WDR70: variants seen among roughly 807,000 people sequenced by gnomAD.
The protein encoded by WDR70 is WD repeat-containing protein 70.
Under a neutral mutation model 88.6 loss-of-function variants are expected in WDR70, and 53 were observed. That is an observed-to-expected ratio of 0.60 (90% CI 0.48 to 0.75). The LOEUF (loss-of-function observed/expected upper bound fraction) is 0.75, where lower values mean the gene tolerates loss of function less well. Ranked by LOEUF, WDR70 falls within the 30% of genes least tolerant of loss-of-function variation. The pLI is 0.00. For synonymous variants in WDR70, 280 were observed against 270.0 expected (o/e 1.04, Z -0.36); for missense variants, 610 against 823.2 (o/e 0.74, Z 3.17).
intron 17 of WDR70, 63 bp downstream of exon 17, chr5:37,727,108 CA>C: frequency 1.3e-6 from 2 of 1,534,118 alleles, no homozygotes; most frequent in South Asian, 1.3e-5. Flanking sequence ...GAGAACATAA[CA>C]ATGTTGTTTT....
At chr5:37,540,228 G>A (rs546769917) in intron 9 of WDR70, among the ~76,000 whole-genome samples, 2 of 152,160 alleles carry the variant, frequency 1.3e-5, no homozygotes, top group Admixed American at 1.3e-4. Context: ...GAACAAATAC[G>A]TTTGCTGAAT....
rs142833412 is a variant in WDR70, at chr5:37,619,043, T to C, written c.1092+13805T>C. Among the ~76,000 whole-genome samples the C allele has an allele frequency of 3.1e-3, 479 of 152,308 alleles. 1 individual carries two copies. The highest frequency in any genetic ancestry group is 0.011 in the African/African-American group (450 of 41,566). On this transcript the variant is annotated intron_variant, in intron 10 of 17. Coordinates refer to ENST00000265107, the MANE Select transcript of WDR70 (RefSeq NM_018034.4). The stretch of plus-strand genomic sequence containing the variant: ...TTTTTAAAAAAGAGTCAGGCAATGA[T>C]ATAAAATAGATAATTTAATTTGGAA...
At chr5:37,420,741 GTC>G (rs1749921663) in intron 5 of WDR70, among the ~76,000 whole-genome samples, 1 of 151,920 alleles carries the variant, frequency 6.6e-6, no homozygotes, top group African/African-American at 2.4e-5. Context: ...GTGAAACCCC[GTC>G]TCTACTAAAA....
intron 17 of WDR70, among the ~76,000 whole-genome samples, chr5:37,729,784 T>G (rs1386094674): frequency 6.6e-6 from 1 of 152,174 alleles, no homozygotes; most frequent in Non-Finnish European, 1.5e-5. Flanking sequence ...TTGGAGTGTG[T>G]GAAATATTAC....
chr5:37,724,784 T>C, intron 15 of WDR70, 150 bp from the exon 16 acceptor site: 1 of 773,660 alleles, frequency 1.3e-6, no homozygotes, highest in Non-Finnish European at 2.1e-6. Context: ...CAAAATTGGC[T>C]AATTGGTTAC....
At chr5:37,520,746 T>G (rs1245732729) in intron 9 of WDR70, among the ~76,000 whole-genome samples, 1 of 152,318 alleles carries the variant, frequency 6.6e-6, no homozygotes, top group Non-Finnish European at 1.5e-5. Context: ...GTAAAAGTTC[T>G]AAGTAAAATA....
intron 9 of WDR70, among the ~76,000 whole-genome samples, chr5:37,524,666 A>C (rs1239333542): frequency 6.6e-6 from 1 of 152,226 alleles, no homozygotes; most frequent in African/African-American, 2.4e-5. Flanking sequence ...TAAATGCTCC[A>C]ATTAAAAGAC....
intron 9 of WDR70, among the ~76,000 whole-genome samples, chr5:37,562,405 T>G (rs909917301): frequency 6.6e-6 from 1 of 151,028 alleles, no homozygotes. Context: ...TCAGAAAACT[T>G]AGATCCTGCA....
At chr5:37,596,342 T>C (rs1343590679) in intron 9 of WDR70, among the ~76,000 whole-genome samples, 2 of 152,170 alleles carry the variant, frequency 1.3e-5, no homozygotes, top group Non-Finnish European at 2.9e-5. Flanking sequence ...ATATAACAGA[T>C]ATTACTAGCT....
chr5:37,681,047 AT>A (rs1464509979), intron 10 of WDR70, among the ~76,000 whole-genome samples: 1 of 152,156 alleles, frequency 6.6e-6, no homozygotes, highest in Non-Finnish European at 1.5e-5. Flanking sequence ...CATTTTCTTG[AT>A]ACTGACTCTT....
At chr5:37,423,712 C>G (rs1411906174) in intron 5 of WDR70, among the ~76,000 whole-genome samples, 1 of 149,968 alleles carries the variant, frequency 6.7e-6, no homozygotes, top group African/African-American at 2.4e-5. Context: ...TACAGGCAGC[C>G]GCCACCACAC....
intron 10 of WDR70, among the ~76,000 whole-genome samples, chr5:37,651,727 CAT>C (rs1200984345): frequency 6.6e-6 from 1 of 152,132 alleles, no homozygotes; most frequent in Non-Finnish European, 1.5e-5. Context: ...AGGTTTTTTT[CAT>C]ATGTTTGTTG....
At chr5:37,442,141 A>C (rs2112050813) in intron 6 of WDR70, among the ~76,000 whole-genome samples, 1 of 150,506 alleles carries the variant, frequency 6.6e-6, no homozygotes, top group East Asian at 2.0e-4. Context: ...GAGTTCAAGC[A>C]ATTCTCCTGC....
At chr5:37,723,828 G>T (rs1449708582) in intron 15 of WDR70, 1 of 152,150 alleles carries the variant, frequency 6.6e-6, no homozygotes, top group East Asian at 1.9e-4. Context: ...GTCGTTTGAA[G>T]TGAAAAGCTA....
chr5:37,677,651 C>G (rs185344109), intron 10 of WDR70, among the ~76,000 whole-genome samples: 4,814 of 151,350 alleles, frequency 0.032, 101 homozygotes, highest in Middle Eastern at 0.11. Context: ...AGCTTTACTT[C>G]CAACTATGTG....
At chr5:37,401,835 AG>A (rs1240768017) in intron 5 of WDR70, among the ~76,000 whole-genome samples, 5 of 152,124 alleles carry the variant, frequency 3.3e-5, no homozygotes, top group African/African-American at 1.2e-4. Context: ...TCTGGGGTAG[AG>A]TGTGATCCTC....
chr5:37,622,542 C>T (rs1008853025), intron 10 of WDR70, among the ~76,000 whole-genome samples: 6 of 152,134 alleles, frequency 3.9e-5, no homozygotes, highest in Non-Finnish European at 5.9e-5. Flanking sequence ...CACATATACA[C>T]CATGGAATAC....
intron 10 of WDR70, among the ~76,000 whole-genome samples, chr5:37,695,082 T>C (rs1485846274): frequency 6.6e-6 from 1 of 152,114 alleles, no homozygotes; most frequent in Non-Finnish European, 1.5e-5. Context: ...TCTGGTTGGC[T>C]TGTGGGGATG....
At chr5:37,571,540 C>T (rs1296501836) in intron 9 of WDR70, among the ~76,000 whole-genome samples, 2 of 152,122 alleles carry the variant, frequency 1.3e-5, no homozygotes, top group Non-Finnish European at 2.9e-5. Context: ...CCACTTCCTA[C>T]TGAATAATTA....
Sources: allele counts gnomAD v4.1 joint callset (sites outside exome capture counted in the v4.1 genomes callset), GRCh38; gene constraint gnomAD v4.1.1; transcripts MANE v1.5; gene names NCBI Gene and HGNC (gene_info 2026-07-23, HGNC 2026-07-21).